SMURF1: variants seen among roughly 807,000 people sequenced by gnomAD.
SMURF1 encodes the protein E3 ubiquitin-protein ligase SMURF1.
SMURF1 carries 44 observed loss-of-function variants against 98.0 expected under a neutral mutation model. The ratio of observed to expected loss-of-function variants is 0.45; its 90% CI spans 0.35 to 0.58. The LOEUF (loss-of-function observed/expected upper bound fraction) is 0.58, where lower values mean the gene tolerates loss of function less well. SMURF1 is among the 20% of genes least tolerant of loss of function. The probability of loss-of-function intolerance (pLI) is 0.00; values close to 1 mark genes in which losing one functional copy is unlikely to be tolerated. For missense variants in SMURF1, 687 were observed against 938.4 expected (o/e 0.73, Z 3.50); for synonymous variants, 396 against 374.9 (o/e 1.06, Z -0.65).
chr7:99,103,661 C>T (rs1288042767), intron 1 of SMURF1, among the ~76,000 whole-genome samples: 7 of 152,276 alleles, frequency 4.6e-5, no homozygotes, highest in Middle Eastern at 3.4e-3. Context: ...TAAAGCACAA[C>T]TTATTTTATC....
chr7:99,079,545 G>A (rs577293307), intron 1 of SMURF1, among the ~76,000 whole-genome samples: 6 of 152,096 alleles, frequency 3.9e-5, no homozygotes, highest in Non-Finnish European at 8.8e-5. Flanking sequence ...CTACATACTC[G>A]TTTCAAACAC....
At chr7:99,066,711 C>A (rs1011228175) in intron 1 of SMURF1, among the ~76,000 whole-genome samples, 1 of 149,792 alleles carries the variant, frequency 6.7e-6, no homozygotes, top group Admixed American at 6.7e-5. Context: ...CTGGGGAGGT[C>A]GAGACTGCAG....
Position 99,124,066 on chromosome 7 carries a change from G to A in SMURF1, c.55+19660C>T, listed in dbSNP as rs17161584. ...TTGGCTGACTCCATTGCATCTCACC[G>A]TCTCAAAAATAGGGACAAGAATACG... On this transcript the variant is annotated intron_variant, in intron 1 of 17. Transcript: ENST00000361368. Among the ~76,000 whole-genome samples the A allele has an allele frequency of 9.8e-3, 1,497 of 152,276 alleles. 26 individuals carry two copies. Among genetic ancestry groups the A allele is most frequent in the African/African-American group, 0.033 (1,392 of 41,554 alleles).
intron 1 of SMURF1, among the ~76,000 whole-genome samples, chr7:99,080,328 T>G (rs1796552744): frequency 6.6e-6 from 1 of 152,186 alleles, no homozygotes; most frequent in Non-Finnish European, 1.5e-5. Context: ...AGACGGAGTT[T>G]CGCTCTTGTT....
chr7:99,057,591 G>GGT (rs1554440674), intron 3 of SMURF1, 40 bp from the exon 4 acceptor site: 40 of 1,323,572 alleles, frequency 3.0e-5, no homozygotes, highest in Non-Finnish European at 3.5e-5. Context: ...ATTGTGTTTG[G>GGT]TTTTTTTTGT....
chr7:99,133,402 A>T (rs887667983), intron 1 of SMURF1, among the ~76,000 whole-genome samples: 6 of 152,044 alleles, frequency 3.9e-5, no homozygotes, highest in Admixed American at 6.6e-5. Context: ...GAAAAAAAAA[A>T]GGTCTCTAAG....
intron 11 of SMURF1, 155 bp downstream of exon 11, chr7:99,045,543 G>C: frequency 1.7e-6 from 1 of 603,574 alleles, no homozygotes; most frequent in South Asian, 2.2e-5. Flanking sequence ...TCTCCGCAGG[G>C]TGGCTGAAGC....
rs1354137623 is a variant in SMURF1, at chr7:99,144,028, TCCG to T, written c.-251_-249del. On this transcript the variant is annotated 5_prime_UTR_variant, in exon 1 of 18. Transcript: ENST00000361368. ...AGCCCAGTCCCGAGCCGCCGCCGCC[TCCG>T]CCGCCGCCTCCGCCGCCTCCACCAC... 216 of 153,098 alleles carry T rather than the reference TCCG, an allele frequency of 1.4e-3. No individual in the cohort carries two copies. The highest frequency in any genetic ancestry group is 9.8e-4 in the South Asian group (3 of 3,074). 9.5% of individuals were successfully genotyped at this position (153,098 alleles called of 1,614,324 possible). A position where few individuals can be genotyped will look rare whatever the true frequency, so the allele number is the denominator to read the frequency against.
chr7:99,088,002 A>G (rs981093959), intron 1 of SMURF1, among the ~76,000 whole-genome samples: 3 of 152,134 alleles, frequency 2.0e-5, no homozygotes, highest in Non-Finnish European at 4.4e-5. Flanking sequence ...CACATCTGTA[A>G]TCCCAGCACT....
chr7:99,036,455 G>A (rs1458416084), intron 15 of SMURF1: 1 of 142,876 alleles, frequency 7.0e-6, no homozygotes, highest in East Asian at 2.1e-4. Flanking sequence ...TCCAGCCTGA[G>A]CAACAGAGCG....
At chr7:99,059,083 GA>G (rs1193672113) in intron 3 of SMURF1, among the ~76,000 whole-genome samples, 3 of 147,600 alleles carry the variant, frequency 2.0e-5, no homozygotes, top group Middle Eastern at 3.6e-3. Context: ...GACTCTGTTT[GA>G]AAAAAAAATT....
chr7:99,083,914 G>C (rs147670816), intron 1 of SMURF1, among the ~76,000 whole-genome samples: 79 of 152,358 alleles, frequency 5.2e-4, no homozygotes, highest in African/African-American at 1.9e-3. Context: ...GGCTCCACAG[G>C]AGTGCACAGC....
Position 99,051,338 on chromosome 7 carries a change from T to C in SMURF1, c.806+19A>G, listed in dbSNP as rs757235571. ...CTGCTGGAAAGACAGCTGGGGGGTGTCCATTTCAGGAGGCTTACCTTGGTA... is the reference window on the plus strand; with the variant it reads ...CTGCTGGAAAGACAGCTGGGGGGTGCCCATTTCAGGAGGCTTACCTTGGTA... On this transcript the variant is annotated intron_variant, in intron 8 of 17. Transcript: ENST00000361368. The C allele has an allele frequency of 3.8e-5, 60 of 1,599,076 alleles. No homozygotes were observed. Among genetic ancestry groups the C allele is most frequent in the Non-Finnish European group, 5.0e-5 (58 of 1,166,284 alleles).
At chr7:99,063,241 T>TTA (rs1178325637) in intron 1 of SMURF1, among the ~76,000 whole-genome samples, 1 of 34,912 alleles carries the variant, frequency 2.9e-5, no homozygotes, top group Non-Finnish European at 5.2e-5. Context: ...TAAGATTTAT[T>TTA]TATATATATA....
In SMURF1 at chr7:99,038,450, A is replaced by G. The variant is rs761556981; in HGVS notation, c.1626T>C (p.His542=). 3 of 1,614,244 alleles carry G rather than the reference A, an allele frequency of 1.9e-6. No individual in the cohort carries two copies. The highest frequency in any genetic ancestry group is 2.5e-6 in the Non-Finnish European group (3 of 1,180,042). ...CATTTCTGCCATTGGGTTTCAGTTC[A>G]TGCTGCAGGATCCGCCCGAAGGCGT... The part of the protein sequence containing the change: ...EHNAFGRILQ[H]ELKPNGRNVP... Residue 542 remains histidine, a synonymous_variant, in exon 14 of 18, where the codon CAT becomes CAC. Transcript: ENST00000361368.
At chr7:99,037,303 T>C in intron 14 of SMURF1, 116 bp from the exon 15 acceptor site, 1 of 1,323,386 alleles carries the variant, frequency 7.6e-7, no homozygotes, top group Non-Finnish European at 1.1e-6. Context: ...AATGGCTCAA[T>C]CTCGGCTCAC....
intron 17 of SMURF1, chr7:99,031,312 A>G (rs1794876772): frequency 6.6e-6 from 1 of 152,212 alleles, no homozygotes. Flanking sequence ...AAAAGATGAA[A>G]TGAATATTCA....
intron 1 of SMURF1, among the ~76,000 whole-genome samples, chr7:99,070,846 A>G (rs1413743856): frequency 6.6e-6 from 1 of 152,120 alleles, no homozygotes; most frequent in Non-Finnish European, 1.5e-5. Flanking sequence ...TGCAAGCGCC[A>G]CAATGTGATG....
intron 1 of SMURF1, among the ~76,000 whole-genome samples, chr7:99,129,261 A>T (rs1170290880): frequency 1.3e-5 from 2 of 152,204 alleles, no homozygotes; most frequent in African/African-American, 4.8e-5. Flanking sequence ...GTCATCTTAG[A>T]TTCATTGAAA....
Sources: gnomAD v4.1 joint callset for allele counts (sites outside exome capture counted in the v4.1 genomes callset) on GRCh38, gnomAD v4.1.1 for gene constraint, MANE v1.5 for transcripts, NCBI Gene and HGNC (gene_info 2026-07-23, HGNC 2026-07-21) for gene names.